The following RBFOX1 variants were observed in gnomAD, a reference collection of about 807,000 sequenced individuals.
RBFOX1 encodes RNA binding protein fox-1 homolog 1.
RBFOX1 carries 8 observed loss-of-function variants against 57.7 expected under a neutral mutation model. That is an observed-to-expected ratio of 0.14 (90% confidence interval 0.08 to 0.25). RBFOX1 has a LOEUF of 0.25. Ranked by LOEUF, RBFOX1 falls within the 10% of genes least tolerant of loss-of-function variation. The pLI is 1.00. For synonymous variants in RBFOX1, 326 were observed against 222.4 expected, an observed-to-expected ratio of 1.47 and a Z score of -4.15; for missense variants, 611 against 548.5, an observed-to-expected ratio of 1.11 and a Z score of -1.14.
At chr16:5,859,801 C>G (rs866720713) in intron 3 of RBFOX1, among the ~76,000 whole-genome samples, 14 of 152,174 alleles carry the variant, frequency 9.2e-5, no homozygotes, top group Non-Finnish European at 1.9e-4. Context: ...GGTCATGTAA[C>G]AGAATATCCC....
chr16:6,918,547 A>G (rs1405591646), intron 3 of RBFOX1, among the ~76,000 whole-genome samples: 1 of 152,148 alleles, frequency 6.6e-6, no homozygotes, highest in Non-Finnish European at 1.5e-5. Context: ...TTCCCTCCTG[A>G]TATCCAGAGG....
intron 3 of RBFOX1, among the ~76,000 whole-genome samples, chr16:6,696,257 A>G (rs559710832): frequency 1.3e-5 from 2 of 152,348 alleles, no homozygotes; most frequent in Admixed American, 1.3e-4. Flanking sequence ...TTACAGGCAC[A>G]TAATTGTCAT....
At chr16:5,684,471 G>A (rs1377267073) in intron 3 of RBFOX1, among the ~76,000 whole-genome samples, 1 of 152,034 alleles carries the variant, frequency 6.6e-6, no homozygotes, top group African/African-American at 2.4e-5. Context: ...CCTCTGTAGA[G>A]CCACTGACTG....
intron 4 of RBFOX1, among the ~76,000 whole-genome samples, chr16:7,212,552 G>A (rs530026956): frequency 2.0e-5 from 3 of 152,184 alleles, no homozygotes; most frequent in East Asian, 3.9e-4. Flanking sequence ...TCCTGGGCAC[G>A]AACATTTTTC....
At chr16:6,218,919 C>T (rs944440871) in intron 1 of RBFOX1, among the ~76,000 whole-genome samples, 3 of 151,370 alleles carry the variant, frequency 2.0e-5, no homozygotes, top group Non-Finnish European at 2.9e-5. Flanking sequence ...GTGCTGCATG[C>T]AAGTATGAAT....
intron 1 of RBFOX1, among the ~76,000 whole-genome samples, chr16:5,377,029 G>C (rs1248389881): frequency 1.3e-5 from 2 of 151,592 alleles, no homozygotes; most frequent in African/African-American, 4.9e-5. Context: ...TTCATCTCAG[G>C]ATCCACTTCT....
chr16:7,606,141 CGA>C (rs1568058329), intron 9 of RBFOX1, among the ~76,000 whole-genome samples: 1 of 140,076 alleles, frequency 7.1e-6, no homozygotes, highest in Non-Finnish European at 1.5e-5. Context: ...TTTTTTTTCC[CGA>C]GAGAGTCTCA....
intron 3 of RBFOX1, among the ~76,000 whole-genome samples, chr16:6,687,694 T>A (rs1037951474): frequency 6.6e-6 from 1 of 151,998 alleles, no homozygotes; most frequent in Non-Finnish European, 1.5e-5. Flanking sequence ...TCCTGTATGG[T>A]TTTTCAAAGT....
intron 4 of RBFOX1, among the ~76,000 whole-genome samples, chr16:7,395,038 G>A (rs1179685257): frequency 6.6e-6 from 1 of 152,166 alleles, no homozygotes; most frequent in Non-Finnish European, 1.5e-5. Context: ...TGTATAATAA[G>A]TTTGCCGCAG....
intron 4 of RBFOX1, among the ~76,000 whole-genome samples, chr16:7,141,848 C>G (rs139325396): frequency 9.2e-5 from 14 of 152,254 alleles, no homozygotes; most frequent in Non-Finnish European, 1.9e-4. Context: ...TGCTACTGCT[C>G]TTGTTTCTTC....
chr16:7,564,010 A>C (rs1165052155), intron 5 of RBFOX1, among the ~76,000 whole-genome samples: 4 of 152,154 alleles, frequency 2.6e-5, no homozygotes, highest in Non-Finnish European at 5.9e-5. Flanking sequence ...ATGCTTCTTT[A>C]AGTGCAGGTG....
At chr16:6,839,721 C>T (rs774117202) in intron 3 of RBFOX1, among the ~76,000 whole-genome samples, 3 of 152,186 alleles carry the variant, frequency 2.0e-5, no homozygotes, top group Non-Finnish European at 4.4e-5. Context: ...CACGATTCTT[C>T]TTGTAATATG....
intron 3 of RBFOX1, among the ~76,000 whole-genome samples, chr16:6,881,278 G>T (rs1472822484): frequency 1.3e-5 from 2 of 152,176 alleles, no homozygotes; most frequent in Non-Finnish European, 2.9e-5. Flanking sequence ...AGAGAGCAAA[G>T]GAAGGGGTAA....
chr16:7,571,852 G>A (rs148225977), intron 5 of RBFOX1, among the ~76,000 whole-genome samples: 2,399 of 152,274 alleles, frequency 0.016, 36 homozygotes, highest in South Asian at 0.038. Context: ...AGCTAGGCCC[G>A]GCGCCGTGGC....
intron 3 of RBFOX1, among the ~76,000 whole-genome samples, chr16:6,990,262 C>T (rs770064653): frequency 3.9e-5 from 6 of 152,204 alleles, no homozygotes; most frequent in South Asian, 2.1e-4. Context: ...CGGTAGCTCA[C>T]GGCTGTAATC....
At chr16:6,128,562 G>C (rs901846980) in intron 1 of RBFOX1, among the ~76,000 whole-genome samples, 5 of 152,188 alleles carry the variant, frequency 3.3e-5, no homozygotes, top group African/African-American at 1.2e-4. Context: ...GCACTGTGAC[G>C]TTCTCACTGA....
chr16:7,016,705 C>T (rs1234064315), intron 3 of RBFOX1, among the ~76,000 whole-genome samples: 1 of 152,170 alleles, frequency 6.6e-6, no homozygotes, highest in Non-Finnish European at 1.5e-5. Flanking sequence ...ATGCCTATTC[C>T]CGTATTTTTC....
At chr16:7,238,112 C>G (rs1955388) in intron 4 of RBFOX1, among the ~76,000 whole-genome samples, 77,569 of 151,990 alleles carry the variant, frequency 0.51, 20,813 homozygotes, top group East Asian at 0.95. Context: ...CATGATTCCA[C>G]TTATATGAGG....
chr16:7,633,352 T>A (rs1014668921), intron 11 of RBFOX1, among the ~76,000 whole-genome samples: 1 of 152,250 alleles, frequency 6.6e-6, no homozygotes, highest in Non-Finnish European at 1.5e-5. Flanking sequence ...ATAATGTGCA[T>A]CCAACATCCT....
Sources: gnomAD v4.1 joint callset for allele counts (sites outside exome capture counted in the v4.1 genomes callset) on GRCh38, gnomAD v4.1.1 for gene constraint, MANE v1.5 for transcripts, NCBI Gene and HGNC (gene_info 2026-07-23, HGNC 2026-07-21) for gene names.